The following GOLPH3 variants were observed in gnomAD, a reference collection of about 807,000 sequenced individuals.
GOLPH3 encodes golgi phosphoprotein 3, also known as coat protein GPP34.
In GOLPH3, 14 loss-of-function variants were observed where a neutral mutation model predicts 28.5. The ratio of observed to expected loss-of-function variants is 0.49; its 90% CI spans 0.32 to 0.77. The LOEUF (loss-of-function observed/expected upper bound fraction) is 0.77, where lower values mean the gene tolerates loss of function less well. GOLPH3 is among the 30% of genes least tolerant of loss of function. The pLI is 0.03. For missense variants in GOLPH3, 350 were observed against 393.7 expected, an observed-to-expected ratio of 0.89 and a Z score of 0.94; for synonymous variants, 158 against 159.2, an observed-to-expected ratio of 0.99 and a Z score of 0.06.
chr5:32,139,392 C>G (rs933453560), intron 2 of GOLPH3, among the ~76,000 whole-genome samples: 4 of 152,172 alleles, frequency 2.6e-5, no homozygotes, highest in African/African-American at 9.7e-5. Context: ...AGTCCTAGAA[C>G]CAATCGCCCA....
chr5:32,171,957 A>G (rs1581561378), intron 1 of GOLPH3, among the ~76,000 whole-genome samples: 1 of 141,508 alleles, frequency 7.1e-6, no homozygotes, highest in African/African-American at 3.1e-5. Flanking sequence ...TAAAAAAAGA[A>G]AAAAAAAAAG....
chr5:32,155,601 T>C (rs912362217), intron 1 of GOLPH3, among the ~76,000 whole-genome samples: 9 of 152,168 alleles, frequency 5.9e-5, no homozygotes, highest in Admixed American at 2.6e-4. Context: ...AGCTTTCTGA[T>C]TTTTTTAATT....
At chr5:32,134,272 C>G (rs1745885869) in intron 3 of GOLPH3, among the ~76,000 whole-genome samples, 1 of 151,954 alleles carries the variant, frequency 6.6e-6, no homozygotes, top group South Asian at 2.1e-4. Flanking sequence ...GTGGCATGAT[C>G]TTGGCTCACT....
chr5:32,136,503 T>C (rs1351741144), intron 2 of GOLPH3, among the ~76,000 whole-genome samples: 2 of 150,110 alleles, frequency 1.3e-5, no homozygotes, highest in Admixed American at 6.6e-5. Context: ...AAAAAGCTAC[T>C]GTGCAATAAT....
rs538730589 is a variant in GOLPH3 at position 32,145,341 on chromosome 5, G to C, written c.226-1461C>G. On this transcript the variant is annotated intron_variant, in intron 1 of 3. Coordinates refer to ENST00000265070, the MANE Select transcript of GOLPH3 (RefSeq NM_022130.4). The stretch of plus-strand genomic sequence containing the variant: ...ATTTTAGGGAGTCACTTTAAACTTA[G>C]GGTCGGGGCCTGATCAAATGAAGAT... 3.9e-5 allele frequency among the ~76,000 whole-genome samples: 6 copies of C among 152,288 alleles called. No homozygotes were observed. The South Asian group carries it at 1.2e-3, about 32-fold the overall frequency.
At chr5:32,137,572 T>C (rs781473646) in intron 2 of GOLPH3, among the ~76,000 whole-genome samples, 3 of 151,962 alleles carry the variant, frequency 2.0e-5, no homozygotes, top group Non-Finnish European at 4.4e-5. Flanking sequence ...GGCAGGAGAA[T>C]TGCTTGAACC....
At chr5:32,130,547 C>T (rs1288600547) in intron 3 of GOLPH3, among the ~76,000 whole-genome samples, 1 of 152,006 alleles carries the variant, frequency 6.6e-6, no homozygotes, top group Non-Finnish European at 1.5e-5. Flanking sequence ...TTTTACCTTC[C>T]CAAGTCAAAT....
intron 1 of GOLPH3, among the ~76,000 whole-genome samples, chr5:32,155,122 C>T (rs1008601033): frequency 4.4e-5 from 5 of 113,368 alleles, no homozygotes; most frequent in African/African-American, 1.9e-4. Context: ...AATTAACGTT[C>T]TAAAATGTAT....
intron 3 of GOLPH3, among the ~76,000 whole-genome samples, chr5:32,132,498 A>G (rs1355957139): frequency 6.6e-6 from 1 of 152,198 alleles, no homozygotes; most frequent in African/African-American, 2.4e-5. Flanking sequence ...TGAACTACTG[A>G]ACTTTCAGAG....
At chr5:32,139,681 A>G (rs1464936403) in intron 2 of GOLPH3, among the ~76,000 whole-genome samples, 1 of 152,208 alleles carries the variant, frequency 6.6e-6, no homozygotes, top group Non-Finnish European at 1.5e-5. Flanking sequence ...ATTTTTATTT[A>G]GCTTCTTTTT....
chr5:32,159,578 A>G (rs1441423756), intron 1 of GOLPH3, among the ~76,000 whole-genome samples: 1 of 152,212 alleles, frequency 6.6e-6, no homozygotes, highest in Non-Finnish European at 1.5e-5. Context: ...AAGCAAATGA[A>G]TTTTTAAGGG....
chr5:32,142,917 C>T (rs566226796), intron 2 of GOLPH3, among the ~76,000 whole-genome samples: 1 of 150,272 alleles, frequency 6.7e-6, no homozygotes, highest in Non-Finnish European at 1.5e-5. Flanking sequence ...GTGAGGAGCC[C>T]CTCTGCCCGG....
intron 1 of GOLPH3, among the ~76,000 whole-genome samples, chr5:32,166,573 C>T (rs1028072132): frequency 5.3e-5 from 8 of 152,074 alleles, no homozygotes; most frequent in African/African-American, 1.7e-4. Flanking sequence ...TTTGGGAAGG[C>T]GAGGTGGGCG....
chr5:32,148,828 A>T (rs1381496497), intron 1 of GOLPH3, among the ~76,000 whole-genome samples: 1 of 152,086 alleles, frequency 6.6e-6, no homozygotes, highest in Non-Finnish European at 1.5e-5. Flanking sequence ...ATACAAAATT[A>T]CCCAGGCGTG....
In GOLPH3 at chr5:32,158,091, A is replaced by AAAATAAATAAAT. The variant is rs371590080; in HGVS notation, c.226-14223_226-14212dup. Among the ~76,000 whole-genome samples, 111 of 43,284 alleles carry AAAATAAATAAAT rather than the reference A, an allele frequency of 2.6e-3. 7 individuals are homozygous for AAAATAAATAAAT. The highest frequency in any genetic ancestry group is 0.012 in the African/African-American group (104 of 8,830). The allele number at this position is 43,284 out of a possible 152,430, so 28.4% of individuals were successfully genotyped here. ...CAAAATCAGCTTTAAACTCTGTCTC[A>AAAATAAATAAAT]AAATAAATAAATAAATAAATAAATA... On this transcript the variant is annotated intron_variant, in intron 1 of 3. Transcript: ENST00000265070.
intron 1 of GOLPH3, 142 bp from the exon 2 acceptor site, chr5:32,144,022 A>G: frequency 2.0e-6 from 1 of 511,382 alleles, no homozygotes; most frequent in Non-Finnish European, 3.2e-6. Flanking sequence ...CTGAAAAAAT[A>G]CAATTAACAT....
intron 1 of GOLPH3, among the ~76,000 whole-genome samples, chr5:32,159,608 TA>T (rs1358031926): frequency 1.3e-5 from 2 of 152,230 alleles, no homozygotes; most frequent in Admixed American, 1.3e-4. Context: ...AGTGGTTTTT[TA>T]AAGTATATTT....
intron 1 of GOLPH3, among the ~76,000 whole-genome samples, chr5:32,148,975 C>CA (rs1234767948): frequency 4.7e-5 from 7 of 149,672 alleles, no homozygotes; most frequent in Admixed American, 6.7e-5. Context: ...AACTCCATCT[C>CA]AAAAAAAAAG....
rs70961608 is a variant in GOLPH3, at chr5:32,155,956, CAAAAAAAAAAAAAAAA to C, written c.226-12092_226-12077del. Among the ~76,000 whole-genome samples, 54 of 47,814 alleles carry C rather than the reference CAAAAAAAAAAAAAAAA, an allele frequency of 1.1e-3. No homozygotes were observed. In the East Asian group the frequency reaches 0.026, roughly 23 times the overall value. 31.4% of individuals were successfully genotyped at this position (47,814 alleles called of 152,430 possible). Reference sequence around the variant, plus strand: ...GGGCAACAAGAGTGAAACACTGTCTCAAAAAAAAAAAAAAAAAAAAAAAAAAAAAAAAAAAAAAGAT... The same window carrying C: ...GGGCAACAAGAGTGAAACACTGTCTCAAAAAAAAAAAAAAAAAAAAAAGAT... On this transcript the variant is annotated intron_variant, in intron 1 of 3. Coordinates refer to ENST00000265070, the MANE Select transcript of GOLPH3 (RefSeq NM_022130.4).
Sources: allele counts gnomAD v4.1 joint callset (sites outside exome capture counted in the v4.1 genomes callset), GRCh38; gene constraint gnomAD v4.1.1; transcripts MANE v1.5; gene names NCBI Gene and HGNC (gene_info 2026-07-23, HGNC 2026-07-21).